TDRD5: variants seen among roughly 807,000 people sequenced by gnomAD.
The protein encoded by TDRD5 is tudor domain containing 5, also known as tudor domain-containing protein 5.
Under a neutral mutation model 120.6 loss-of-function variants are expected in TDRD5, and 41 were observed. That is an observed-to-expected ratio of 0.34 (90% CI 0.26 to 0.44). TDRD5 has a LOEUF of 0.44. TDRD5 is among the 20% of genes least tolerant of loss of function. The pLI is 1.00. For synonymous variants in TDRD5, 430 were observed against 433.7 expected (o/e 0.99, Z 0.11); for missense variants, 1,006 against 1,221.2 (o/e 0.82, Z 2.63).
At chr1:179,642,775 CTTTA>C in intron 11 of TDRD5, among the ~76,000 whole-genome samples, 1 of 152,284 alleles carries the variant, frequency 6.6e-6, no homozygotes, top group Middle Eastern at 3.4e-3. Context: ...GAATCTCTCA[CTTTA>C]TTTCTGTGTC....
chr1:179,660,222 T>G (rs1356623452), intron 14 of TDRD5, among the ~76,000 whole-genome samples: 2 of 128,638 alleles, frequency 1.6e-5, no homozygotes, highest in Admixed American at 7.8e-5. Context: ...TTTTTTTTTT[T>G]TTTTTTTTTT....
At chr1:179,611,138 A>G (rs1296458757) in intron 4 of TDRD5, among the ~76,000 whole-genome samples, 1 of 151,614 alleles carries the variant, frequency 6.6e-6, no homozygotes, top group Non-Finnish European at 1.5e-5. Flanking sequence ...GCTCACTGCA[A>G]CCTCCTGGGT....
chr1:179,603,283 C>CT (rs1041675507), intron 4 of TDRD5, among the ~76,000 whole-genome samples: 1 of 152,066 alleles, frequency 6.6e-6, no homozygotes, highest in Non-Finnish European at 1.5e-5. Flanking sequence ...CTGGAGGAGT[C>CT]TTTAGGGTTT....
At chr1:179,676,129 A>T (rs886530869) in intron 17 of TDRD5, among the ~76,000 whole-genome samples, 2 of 152,080 alleles carry the variant, frequency 1.3e-5, no homozygotes, top group East Asian at 3.8e-4. Context: ...TTTTAACTGC[A>T]GCTGCTTTAA....
At position 179,691,235 on chromosome 1, in the gene TDRD5, A is replaced by G. The variant is rs1681139534; in HGVS notation, c.*292A>G. 3.9e-6 allele frequency: 1 copy of G among 259,492 alleles called. No individual in the cohort carries two copies. The highest frequency in any genetic ancestry group is 5.1e-5 in the Admixed American group (1 of 19,794). The allele number at this position is 259,492 out of a possible 1,614,324, so 16.1% of individuals were successfully genotyped here. ...GTTTTTTTGTGTTTGTTTTTCTTGT[A>G]CATTATCATGACTGATAAATGAAAA... is the stretch of plus-strand genomic sequence containing the variant. On this transcript the variant is annotated 3_prime_UTR_variant, in exon 18 of 18. Coordinates refer to ENST00000444136, the MANE Select transcript of TDRD5 (RefSeq NM_001199085.3).
intron 5 of TDRD5, 125 bp from the exon 6 acceptor site, chr1:179,620,910 A>T: frequency 1.4e-6 from 1 of 714,586 alleles, no homozygotes; most frequent in Non-Finnish European, 2.1e-6. Context: ...AAAACAATTT[A>T]ATATGACTAA....
At chr1:179,681,767 T>C (rs1680433168) in intron 17 of TDRD5, among the ~76,000 whole-genome samples, 1 of 149,620 alleles carries the variant, frequency 6.7e-6, no homozygotes, top group South Asian at 2.1e-4. Context: ...TCGCCCCGTT[T>C]TCTTGTAACT....
In TDRD5 at chr1:179,654,216, GAA is replaced by G. The variant is rs780439642; in HGVS notation, c.2179_2180del (p.Lys727ValfsTer6). On this transcript the variant is annotated frameshift_variant, in exon 14 of 18. Coordinates refer to ENST00000444136, the MANE Select transcript of TDRD5 (RefSeq NM_001199085.3). LOFTEE classifies it high-confidence loss of function. Reference sequence around the variant, plus strand: ...TATCTACTAGCAAGATATTAATGATGAAAAGTCTTTAAGTCATCTTAAATCTG... The same window carrying G: ...TATCTACTAGCAAGATATTAATGATGAAGTCTTTAAGTCATCTTAAATCTG... ...ELRILQDIND[E>X]KSLSHLKSES... 6.5e-7 allele frequency: 1 copy of G among 1,535,370 alleles called. No individual in the cohort carries two copies. Among genetic ancestry groups the G allele is most frequent in the South Asian group, 1.2e-5 (1 of 80,800 alleles).
In TDRD5 at chr1:179,634,596, G is replaced by A; in HGVS notation, c.1266G>A (p.Lys422=). Residue 422 remains lysine (K), a synonymous_variant, in exon 8 of 18, where the codon AAG becomes AAA. Transcript: ENST00000444136. ...AAGAGCCACAACAGAAGATTTGCAA[G>A]AAGCCTAATCTGGTGGTAAAGCCTT... The part of the protein sequence containing the change: ...KQKEPQQKIC[K]KPNLVVKPLQ... 6.2e-7 allele frequency: 1 copy of A among 1,613,824 alleles called. No homozygotes were observed. Among genetic ancestry groups the A allele is most frequent in the African/African-American group, 1.3e-5 (1 of 75,010 alleles).
At chr1:179,668,254 C>T (rs902183518) in intron 16 of TDRD5, among the ~76,000 whole-genome samples, 1 of 152,174 alleles carries the variant, frequency 6.6e-6, no homozygotes, top group Non-Finnish European at 1.5e-5. Flanking sequence ...TTTGTCCCTT[C>T]TGAGGAGCAT....
chr1:179,644,316 T>C (rs1678218755), intron 11 of TDRD5, among the ~76,000 whole-genome samples: 1 of 152,178 alleles, frequency 6.6e-6, no homozygotes, highest in African/African-American at 2.4e-5. Context: ...CAAAACTAAA[T>C]TGGTAATACT....
chr1:179,628,324 CTTTTT>C (rs71569258), intron 6 of TDRD5, among the ~76,000 whole-genome samples: 17 of 54,606 alleles, frequency 3.1e-4, no homozygotes, highest in South Asian at 7.3e-4. Context: ...CTTTTCTTTT[CTTTTT>C]TTTTTTTTTT....
In TDRD5 at chr1:179,675,425, G is replaced by A. The variant is rs867698444; in HGVS notation, c.2860+6021G>A. ...CTCCCGAGTAGCTGGGATTACAGGCGCCCACCACCACGCCCGGCTAATTTT... is the reference window on the plus strand; with the variant it reads ...CTCCCGAGTAGCTGGGATTACAGGCACCCACCACCACGCCCGGCTAATTTT... On this transcript the variant is annotated intron_variant, in intron 17 of 17. Transcript: ENST00000444136. Among the ~76,000 whole-genome samples, 29 of 148,926 alleles carry A rather than the reference G, an allele frequency of 1.9e-4. 1 individual carries two copies. In the South Asian group the frequency reaches 3.0e-3, roughly 15 times the overall value.
intron 13 of TDRD5, 124 bp from the exon 14 acceptor site, chr1:179,654,077 C>G: frequency 1.3e-6 from 1 of 755,300 alleles, no homozygotes; most frequent in East Asian, 2.9e-5. Flanking sequence ...ATGGATAAAG[C>G]TATAAAATAA....
At position 179,639,865 on chromosome 1, in the gene TDRD5, C is replaced by G. The variant is rs766460859; in HGVS notation, c.1547C>G (p.Ser516Cys). 1 of 1,614,062 alleles carries G rather than the reference C, an allele frequency of 6.2e-7. No homozygotes were observed. The highest frequency in any genetic ancestry group is 1.7e-5 in the Admixed American group (1 of 60,020). Residue 516 changes from serine to cysteine, a missense_variant, in exon 10 of 18, where the codon TCT becomes TGT. Physicochemically the swap from Ser to Cys is moderately radical, Grantham distance 112. Transcript: ENST00000444136. ...MRRCYSNQLV[S>C]DRYVMPECFI... ...CGCTGTTATTCTAATCAGCTGGTTT[C>G]TGATCGATATGTCATGCCAGAATGT...
intron 16 of TDRD5, among the ~76,000 whole-genome samples, chr1:179,668,748 T>C (rs1338018786): frequency 1.4e-5 from 2 of 147,990 alleles, no homozygotes; most frequent in African/African-American, 2.5e-5. Flanking sequence ...GTTCTTTTTT[T>C]TTTTTTTTTT....
At chr1:179,594,389 T>C (rs1283192942) in intron 3 of TDRD5, among the ~76,000 whole-genome samples, 1 of 152,204 alleles carries the variant, frequency 6.6e-6, no homozygotes, top group African/African-American at 2.4e-5. Flanking sequence ...CCATACTAGG[T>C]AGGGTAAGTA....
intron 3 of TDRD5, 22 bp from the exon 4 acceptor site, chr1:179,595,599 TTTCTTTC>T (rs1420894992): frequency 6.6e-7 from 1 of 1,522,532 alleles, no homozygotes; most frequent in Non-Finnish European, 8.8e-7. Flanking sequence ...AGTGACAATT[TTTCTTTC>T]TTCTTCTATT....
intron 7 of TDRD5, among the ~76,000 whole-genome samples, chr1:179,632,915 A>G (rs555316350): frequency 8.0e-4 from 122 of 152,296 alleles, no homozygotes; most frequent in African/African-American, 2.0e-3. Flanking sequence ...ACATTAGCCT[A>G]CAGTTGGGCA....
Sources: gnomAD v4.1 joint callset for allele counts (sites outside exome capture counted in the v4.1 genomes callset) on GRCh38, gnomAD v4.1.1 for gene constraint, MANE v1.5 for transcripts, NCBI Gene and HGNC (gene_info 2026-07-23, HGNC 2026-07-21) for gene names.